Variants in LSR observed in about 807,000 individuals in gnomAD.
LSR encodes the protein lipolysis stimulated lipoprotein receptor.
In LSR, 44 loss-of-function variants were observed where a neutral mutation model predicts 61.8. That is an observed-to-expected ratio of 0.71 (90% CI 0.56 to 0.91). LSR has a LOEUF of 0.91. LSR is among the 40% of genes least tolerant of loss of function. The probability of loss-of-function intolerance (pLI) is 0.00; values close to 1 mark genes in which losing one functional copy is unlikely to be tolerated. For missense variants in LSR, 911 were observed against 830.5 expected, an observed-to-expected ratio of 1.10 and a Z score of -1.19; for synonymous variants, 397 against 350.6, an observed-to-expected ratio of 1.13 and a Z score of -1.48.
chr19:35,249,840 G>A (rs1242819009), intron 1 of LSR, among the ~76,000 whole-genome samples: 1 of 152,154 alleles, frequency 6.6e-6, no homozygotes, highest in Non-Finnish European at 1.5e-5. Context: ...GTCCCTCCAT[G>A]GCAAAGCAGT....
chr19:35,262,769 C>T (rs1279206941), intron 5 of LSR, 77 bp downstream of exon 5: 1 of 1,553,756 alleles, frequency 6.4e-7, no homozygotes, highest in African/African-American at 1.3e-5. Flanking sequence ...ATCCACCTGC[C>T]CCCAGGACAG....
At chr19:35,266,765 A>G in intron 7 of LSR, 27 bp downstream of exon 7, 2 of 1,609,432 alleles carry the variant, frequency 1.2e-6, no homozygotes, top group South Asian at 2.2e-5. Context: ...CCGAAGTTGG[A>G]TGTGCCTGTA....
intron 4 of LSR, 78 bp downstream of exon 4, chr19:35,262,059 C>A (rs1599602931): frequency 4.6e-6 from 6 of 1,316,038 alleles, no homozygotes; most frequent in South Asian, 2.8e-5. Context: ...TAGTTAGTAT[C>A]CCCTTCCCCA....
intron 3 of LSR, among the ~76,000 whole-genome samples, chr19:35,261,683 G>A (rs2065930928): frequency 6.6e-6 from 1 of 152,188 alleles, no homozygotes; most frequent in Non-Finnish European, 1.5e-5. Context: ...GAACCCCCTG[G>A]GATTTGTATT....
chr19:35,258,792 G>C (rs779694875), intron 2 of LSR, among the ~76,000 whole-genome samples, 153 bp from the exon 3 acceptor site: 19 of 152,106 alleles, frequency 1.2e-4, no homozygotes, highest in Non-Finnish European at 2.2e-4. Flanking sequence ...GTGTGCCCTT[G>C]GTAGGAATCT....
intron 5 of LSR, among the ~76,000 whole-genome samples, chr19:35,265,022 A>C (rs1310073543): frequency 1.3e-5 from 2 of 152,068 alleles, no homozygotes; most frequent in Admixed American, 1.3e-4. Flanking sequence ...TGTTGTTAGC[A>C]TTAAGGAAGT....
intron 2 of LSR, among the ~76,000 whole-genome samples, chr19:35,252,220 A>G (rs1033470233): frequency 6.6e-6 from 1 of 152,042 alleles, no homozygotes; most frequent in Non-Finnish European, 1.5e-5. Flanking sequence ...TTCATTTGGT[A>G]TTTATCAAGC....
At chr19:35,261,889 T>C (rs759217307) in intron 3 of LSR, 36 bp from the exon 4 acceptor site, 18 of 1,387,588 alleles carry the variant, frequency 1.3e-5, no homozygotes, top group Non-Finnish European at 1.6e-5. Context: ...GGGCTGGCTC[T>C]GGCCAGCATA....
At chr19:35,251,359 C>T (rs941286533) in intron 2 of LSR, 2 of 152,152 alleles carry the variant, frequency 1.3e-5, no homozygotes, top group African/African-American at 2.4e-5. Context: ...ATTAATAACA[C>T]GAGCAGTAAG....
intron 3 of LSR, among the ~76,000 whole-genome samples, chr19:35,260,812 G>T (rs1242374419): frequency 1.3e-5 from 2 of 151,906 alleles, no homozygotes; most frequent in Non-Finnish European, 2.9e-5. Flanking sequence ...GAGTGACAGA[G>T]ACCCTGGCTC....
chr19:35,249,304 T>C (rs73029970), intron 1 of LSR, 173 bp downstream of exon 1: 177,404 of 749,360 alleles, frequency 0.24, 22,324 homozygotes, highest in East Asian at 0.31. Flanking sequence ...AATTCCCCAT[T>C]TGTGCCGGGG....
chr19:35,265,865 G>C (rs1284677716), intron 5 of LSR, among the ~76,000 whole-genome samples: 1 of 152,146 alleles, frequency 6.6e-6, no homozygotes, highest in Non-Finnish European at 1.5e-5. Flanking sequence ...TCTAGAACAG[G>C]GGCTTGGCTG....
At position 35,259,013 on chromosome 19, in the gene LSR, G is replaced by T. The variant is rs2065890809; in HGVS notation, c.523G>T (p.Ala175Ser). The T allele has an allele frequency of 2.5e-6, 4 of 1,613,956 alleles. No individual in the cohort carries two copies. Among genetic ancestry groups the T allele is most frequent in the Non-Finnish European group, 3.4e-6 (4 of 1,180,000 alleles). Residue 175 changes from alanine to serine, a missense_variant, in exon 3 of 10, where the codon GCC becomes TCC. Ala to Ser is a moderately conservative substitution (Grantham distance 99). Coordinates refer to ENST00000605618, the MANE Select transcript of LSR (RefSeq NM_205834.4). ...SGVYYCSVVS[A>S]QDLQGNNEAY... is the part of the protein sequence containing the mutation. ...TGTGTATTACTGCTCCGTGGTCTCAGCCCAGGACCTCCAGGGGAACAATGA... is the reference window on the plus strand; with the variant it reads ...TGTGTATTACTGCTCCGTGGTCTCATCCCAGGACCTCCAGGGGAACAATGA...
At chr19:35,259,652 C>G (rs1420148797) in intron 3 of LSR, among the ~76,000 whole-genome samples, 1 of 151,544 alleles carries the variant, frequency 6.6e-6, no homozygotes, top group East Asian at 1.9e-4. Context: ...AAAAAAAAAT[C>G]CAGACGTGGT....
At chr19:35,250,197 T>A (rs746703809) in intron 1 of LSR, 118 bp from the exon 2 acceptor site, 5 of 633,138 alleles carry the variant, frequency 7.9e-6, no homozygotes, top group Non-Finnish European at 8.1e-6. Context: ...GAACAATGTG[T>A]GCCAGGCACT....
intron 2 of LSR, among the ~76,000 whole-genome samples, chr19:35,256,571 G>T (rs1006401460): frequency 6.6e-6 from 1 of 152,170 alleles, no homozygotes; most frequent in Non-Finnish European, 1.5e-5. Flanking sequence ...TTGACCTCAG[G>T]ATCTCCTGAA....
At chr19:35,258,695 T>C (rs1448062926) in intron 2 of LSR, among the ~76,000 whole-genome samples, 2 of 152,014 alleles carry the variant, frequency 1.3e-5, no homozygotes, top group Non-Finnish European at 2.9e-5. Context: ...AGACCCGAAA[T>C]GTCATCCACA....
chr19:35,253,859 A>C (rs1304624761), intron 2 of LSR, among the ~76,000 whole-genome samples: 1 of 152,174 alleles, frequency 6.6e-6, no homozygotes, highest in Non-Finnish European at 1.5e-5. Flanking sequence ...GCAAAAGTCC[A>C]GGATGACCCC....
At chr19:35,259,944 G>A (rs1243804855) in intron 3 of LSR, among the ~76,000 whole-genome samples, 1 of 152,262 alleles carries the variant, frequency 6.6e-6, no homozygotes, top group Non-Finnish European at 1.5e-5. Context: ...GTGCCCTGCT[G>A]TAAGCCAACA....
Sources: gnomAD v4.1 joint callset for allele counts (sites outside exome capture counted in the v4.1 genomes callset) on GRCh38, gnomAD v4.1.1 for gene constraint, MANE v1.5 for transcripts, NCBI Gene and HGNC (gene_info 2026-07-23, HGNC 2026-07-21) for gene names.